ILRUN: variants seen among roughly 807,000 people sequenced by gnomAD.
ILRUN encodes inflammation and lipid regulator with UBA-like and NBR1-like domains.
A neutral mutation model predicts 33.8 loss-of-function variants in ILRUN; 3 were observed. The ratio of observed to expected loss-of-function variants is 0.09; its 90% CI spans 0.04 to 0.23. ILRUN has a LOEUF of 0.23. ILRUN is among the 10% of genes least tolerant of loss of function. ILRUN has a pLI of 1.00. For missense variants in ILRUN, 210 were observed against 375.1 expected (o/e 0.56, Z 3.64); for synonymous variants, 124 against 138.9 (o/e 0.89, Z 0.75).
intron 3 of ILRUN, among the ~76,000 whole-genome samples, chr6:34,609,863 A>G (rs1350374033): frequency 6.6e-6 from 1 of 152,188 alleles, no homozygotes; most frequent in Non-Finnish European, 1.5e-5. Flanking sequence ...TACACTTATC[A>G]TCAAAGAAAA....
At chr6:34,638,084 C>A (rs1295103976) in intron 3 of ILRUN, among the ~76,000 whole-genome samples, 1 of 151,966 alleles carries the variant, frequency 6.6e-6, no homozygotes, top group Non-Finnish European at 1.5e-5. Flanking sequence ...GATGGAGTTT[C>A]ACCATGTTGC....
At chr6:34,652,510 A>C (rs144247656) in intron 2 of ILRUN, among the ~76,000 whole-genome samples, 1 of 152,222 alleles carries the variant, frequency 6.6e-6, no homozygotes, top group African/African-American at 2.4e-5. Flanking sequence ...AAAACTAAGA[A>C]TAACAATTCA....
intron 3 of ILRUN, among the ~76,000 whole-genome samples, chr6:34,623,579 T>G (rs1045639019): frequency 1.3e-5 from 2 of 152,182 alleles, no homozygotes; most frequent in African/African-American, 4.8e-5. Context: ...TAATATAGCA[T>G]GAAACTACAC....
intron 1 of ILRUN, among the ~76,000 whole-genome samples, chr6:34,680,541 T>C (rs1763337614): frequency 6.6e-6 from 1 of 152,136 alleles, no homozygotes; most frequent in African/African-American, 2.4e-5. Flanking sequence ...CTCGGCTCAC[T>C]GAAACCTCTG....
intron 4 of ILRUN, among the ~76,000 whole-genome samples, chr6:34,605,318 CA>C (rs78612898): frequency 0.032 from 2,355 of 74,242 alleles, 22 homozygotes; most frequent in African/African-American, 0.047. Context: ...AAAACAAAAA[CA>C]AAAAAAAAAA....
At chr6:34,598,481 G>A (rs772204647) in intron 4 of ILRUN, among the ~76,000 whole-genome samples, 3 of 152,162 alleles carry the variant, frequency 2.0e-5, no homozygotes, top group Non-Finnish European at 4.4e-5. Flanking sequence ...GTCCTACTTT[G>A]AGAACTTTCA....
intron 1 of ILRUN, among the ~76,000 whole-genome samples, chr6:34,683,482 A>ATG (rs1562033125): frequency 2.0e-5 from 2 of 101,634 alleles, no homozygotes; most frequent in African/African-American, 1.1e-4. Flanking sequence ...ACACATATAT[A>ATG]TATACATATA....
chr6:34,639,370 A>G (rs192693160), intron 3 of ILRUN, among the ~76,000 whole-genome samples: 1 of 152,336 alleles, frequency 6.6e-6, no homozygotes. Context: ...TTTCACAACT[A>G]GGACCCTGAG....
chr6:34,654,912 G>T, intron 1 of ILRUN, 133 bp from the exon 2 acceptor site: 3 of 704,976 alleles, frequency 4.3e-6, no homozygotes, highest in Non-Finnish European at 4.3e-6. Flanking sequence ...CGTCTTTAAA[G>T]CCTTCTATTC....
At chr6:34,594,251 C>T (rs946709289) in intron 4 of ILRUN, among the ~76,000 whole-genome samples, 1 of 152,244 alleles carries the variant, frequency 6.6e-6, no homozygotes, top group East Asian at 1.9e-4. Flanking sequence ...TTAGATGGTA[C>T]CACAGAACCC....
chr6:34,650,403 TTATTTTTATTTATTTA>T (rs1261003779), intron 2 of ILRUN, among the ~76,000 whole-genome samples: 2 of 141,438 alleles, frequency 1.4e-5, no homozygotes, highest in South Asian at 2.3e-4. Flanking sequence ...TTTTATTTAT[TTATTTTTATTTATTTA>T]TTTATTTATT....
At chr6:34,594,310 T>C (rs1175747286) in intron 4 of ILRUN, among the ~76,000 whole-genome samples, 1 of 152,206 alleles carries the variant, frequency 6.6e-6, no homozygotes, top group African/African-American at 2.4e-5. Flanking sequence ...ATCCTGATTA[T>C]AAAACCCAGT....
intron 2 of ILRUN, among the ~76,000 whole-genome samples, chr6:34,647,545 A>G (rs1273732813): frequency 1.3e-5 from 2 of 151,982 alleles, no homozygotes; most frequent in African/African-American, 4.8e-5. Context: ...TCAAAGGGAG[A>G]TAGATTTTTA....
At chr6:34,640,740 T>C (rs1245351236) in intron 3 of ILRUN, among the ~76,000 whole-genome samples, 1 of 146,570 alleles carries the variant, frequency 6.8e-6, no homozygotes, top group African/African-American at 2.6e-5. Context: ...AATGAATGAA[T>C]AAATAAATTA....
rs918877351 is a variant in ILRUN at position 34,588,170 on chromosome 6, C to T, written c.*2395G>A. ...ACTCCATGACTTGCACTTACTCTGG[C>T]CCTCTGCAAGGAGCTCATCTCGCCT... is the stretch of plus-strand genomic sequence containing the variant. On this transcript the variant is annotated 3_prime_UTR_variant, in exon 5 of 5. Transcript: ENST00000374023. 1.8e-5 allele frequency: 7 copies of T among 398,720 alleles called. No individual in the cohort carries two copies. Among genetic ancestry groups the T allele is most frequent in the Non-Finnish European group, 3.1e-5 (7 of 226,226 alleles). The allele number at this position is 398,720 out of a possible 1,614,324, so 24.7% of individuals were successfully genotyped here. A position where few individuals can be genotyped will look rare whatever the true frequency, so the allele number is the denominator to read the frequency against.
chr6:34,674,228 T>C (rs1331096459), intron 1 of ILRUN, among the ~76,000 whole-genome samples: 1 of 152,224 alleles, frequency 6.6e-6, no homozygotes, highest in South Asian at 2.1e-4. Flanking sequence ...GGTTTCACCA[T>C]GTTGGCCAGG....
intron 1 of ILRUN, among the ~76,000 whole-genome samples, chr6:34,683,413 T>TAC (rs1562032739): frequency 1.3e-5 from 1 of 75,142 alleles, no homozygotes; most frequent in African/African-American, 9.5e-5. Context: ...TATACATATA[T>TAC]ATATACATAT....
At chr6:34,663,482 C>CT (rs1487835857) in intron 1 of ILRUN, among the ~76,000 whole-genome samples, 1 of 151,984 alleles carries the variant, frequency 6.6e-6, no homozygotes, top group Non-Finnish European at 1.5e-5. Flanking sequence ...CTAAAGGTTT[C>CT]TAAAATTTTT....
At chr6:34,654,143 G>C (rs1269395488) in intron 2 of ILRUN, among the ~76,000 whole-genome samples, 1 of 146,302 alleles carries the variant, frequency 6.8e-6, no homozygotes, top group East Asian at 2.0e-4. Flanking sequence ...TGAAATTTCA[G>C]AGACAATCAT....
Sources: allele counts gnomAD v4.1 joint callset (sites outside exome capture counted in the v4.1 genomes callset), GRCh38; gene constraint gnomAD v4.1.1; transcripts MANE v1.5; gene names NCBI Gene and HGNC (gene_info 2026-07-23, HGNC 2026-07-21).